RERE: variants seen among roughly 807,000 people sequenced by gnomAD.
RERE encodes arginine-glutamic acid dipeptide repeats protein.
A neutral mutation model predicts 146.1 loss-of-function variants in RERE; 40 were observed. That is an observed-to-expected ratio of 0.27 (90% CI 0.21 to 0.36). The LOEUF (loss-of-function observed/expected upper bound fraction) is 0.36, where lower values mean the gene tolerates loss of function less well. RERE is among the 10% of genes least tolerant of loss of function. RERE has a pLI of 1.00. For missense variants in RERE, 1,933 were observed against 2,138.7 expected (o/e 0.90, Z 1.90); for synonymous variants, 1,003 against 866.0 (o/e 1.16, Z -2.78).
chr1:8,465,312 A>G (rs1340882640), intron 11 of RERE: 1 of 172,256 alleles, frequency 5.8e-6, no homozygotes, highest in African/African-American at 2.4e-5. Flanking sequence ...AAAATCCAGC[A>G]TATTTATTTC....
chr1:8,482,814 A>G (rs1483331225), intron 10 of RERE, among the ~76,000 whole-genome samples: 3 of 152,162 alleles, frequency 2.0e-5, no homozygotes, highest in Non-Finnish European at 4.4e-5. Context: ...GTGAACACCT[A>G]AACACTTAAT....
chr1:8,585,301 G>A (rs578132474), intron 4 of RERE, among the ~76,000 whole-genome samples: 10 of 152,232 alleles, frequency 6.6e-5, no homozygotes, highest in African/African-American at 2.4e-4. Flanking sequence ...ATGAGACAGC[G>A]TGTTGTATCA....
At chr1:8,470,125 A>G (rs1262325258) in intron 10 of RERE, among the ~76,000 whole-genome samples, 1 of 152,014 alleles carries the variant, frequency 6.6e-6, no homozygotes, top group Admixed American at 6.5e-5. Flanking sequence ...AAATATCCCT[A>G]TTCCTCAAAA....
chr1:8,715,539 T>C (rs1335492238), intron 1 of RERE, among the ~76,000 whole-genome samples: 1 of 151,718 alleles, frequency 6.6e-6, no homozygotes, highest in Non-Finnish European at 1.5e-5. Flanking sequence ...AAACATTCAA[T>C]ACTGATTTAA....
chr1:8,378,450 G>A (rs988470539), intron 12 of RERE, among the ~76,000 whole-genome samples: 1 of 152,152 alleles, frequency 6.6e-6, no homozygotes, highest in Non-Finnish European at 1.5e-5. Context: ...AACCCCCAGG[G>A]CCTCTCAATG....
At chr1:8,687,044 T>C (rs1371146187) in intron 1 of RERE, among the ~76,000 whole-genome samples, 2 of 152,108 alleles carry the variant, frequency 1.3e-5, no homozygotes, top group African/African-American at 2.4e-5. Flanking sequence ...GTTGAGAAGT[T>C]TTTCTGCAAA....
At chr1:8,628,271 TA>T (rs1646997431) in intron 2 of RERE, among the ~76,000 whole-genome samples, 1 of 151,970 alleles carries the variant, frequency 6.6e-6, no homozygotes, top group African/African-American at 2.4e-5. Flanking sequence ...TACAGTTTTG[TA>T]AGCCACTGGA....
intron 12 of RERE, among the ~76,000 whole-genome samples, chr1:8,419,350 T>C (rs1363495542): frequency 6.6e-6 from 1 of 152,152 alleles, no homozygotes; most frequent in Admixed American, 6.5e-5. Flanking sequence ...TTAGCTCTTG[T>C]GCAATAAACA....
At chr1:8,497,828 C>T (rs1019406898) in intron 8 of RERE, among the ~76,000 whole-genome samples, 5 of 151,738 alleles carry the variant, frequency 3.3e-5, no homozygotes, top group African/African-American at 1.2e-4. Context: ...ATAAAATAAA[C>T]AAAAAAACAA....
intron 12 of RERE, among the ~76,000 whole-genome samples, chr1:8,367,854 T>G (rs1641875378): frequency 6.6e-6 from 1 of 152,224 alleles, no homozygotes; most frequent in African/African-American, 2.4e-5. Context: ...TGGAAATGCA[T>G]TTATCTATAC....
intron 4 of RERE, among the ~76,000 whole-genome samples, chr1:8,571,677 C>T (rs573530635): frequency 6.6e-6 from 1 of 152,190 alleles, no homozygotes; most frequent in South Asian, 2.1e-4. Context: ...ACCTTTAATA[C>T]TAGTTAGTCT....
At chr1:8,586,214 T>C (rs1646426144) in intron 4 of RERE, among the ~76,000 whole-genome samples, 4 of 152,150 alleles carry the variant, frequency 2.6e-5, no homozygotes, top group Admixed American at 2.6e-4. Flanking sequence ...TATAATAGAT[T>C]CAGAAGACAT....
At chr1:8,801,397 G>C (rs562147798) in intron 1 of RERE, among the ~76,000 whole-genome samples, 35 of 152,078 alleles carry the variant, frequency 2.3e-4, no homozygotes, top group African/African-American at 8.4e-4. Flanking sequence ...AGCCTCCTGA[G>C]TAGCTAGGAT....
intron 11 of RERE, among the ~76,000 whole-genome samples, chr1:8,457,933 G>A (rs1057158713): frequency 6.6e-6 from 1 of 152,084 alleles, no homozygotes; most frequent in African/African-American, 2.4e-5. Flanking sequence ...ACAGAAGTAT[G>A]CCAGGAGAGA....
intron 11 of RERE, among the ~76,000 whole-genome samples, chr1:8,426,670 T>C (rs1183176445): frequency 6.6e-6 from 1 of 152,182 alleles, no homozygotes; most frequent in African/African-American, 2.4e-5. Context: ...AAGAACAGCA[T>C]GGTGGTCTCT....
At chr1:8,511,043 C>G (rs868223381) in intron 7 of RERE, among the ~76,000 whole-genome samples, 2 of 152,102 alleles carry the variant, frequency 1.3e-5, no homozygotes, top group African/African-American at 4.8e-5. Flanking sequence ...CATGAGCCAC[C>G]GCACTCACCG....
At chr1:8,731,878 C>T (rs1640093701) in intron 1 of RERE, among the ~76,000 whole-genome samples, 1 of 152,194 alleles carries the variant, frequency 6.6e-6, no homozygotes. Context: ...TCTCGACTCA[C>T]TGCAAGCTCT....
intron 12 of RERE, among the ~76,000 whole-genome samples, chr1:8,381,474 C>T (rs1300464604): frequency 6.6e-6 from 1 of 152,172 alleles, no homozygotes; most frequent in African/African-American, 2.4e-5. Context: ...AGTGAAATAA[C>T]TCAGTTTCAG....
intron 11 of RERE, among the ~76,000 whole-genome samples, chr1:8,437,118 C>T (rs571210492): frequency 6.4e-4 from 98 of 152,224 alleles, no homozygotes; most frequent in African/African-American, 2.2e-3. Flanking sequence ...TAGAAGAATT[C>T]GACCAAATGC....
Sources: allele counts gnomAD v4.1 joint callset (sites outside exome capture counted in the v4.1 genomes callset), GRCh38; gene constraint gnomAD v4.1.1; transcripts MANE v1.5; gene names NCBI Gene and HGNC (gene_info 2026-07-23, HGNC 2026-07-21).